The following KCNQ1 variants were observed in gnomAD, a reference collection of about 807,000 sequenced individuals.
KCNQ1 encodes the protein potassium voltage-gated channel subfamily KQT member 1.
A neutral mutation model predicts 72.4 loss-of-function variants in KCNQ1; 49 were observed. That is an observed-to-expected ratio of 0.68 (90% confidence interval 0.54 to 0.86). The LOEUF (loss-of-function observed/expected upper bound fraction) is 0.86. KCNQ1 is among the 40% of genes least tolerant of loss of function. The pLI is 0.00. For missense variants in KCNQ1, 790 were observed against 945.1 expected, an observed-to-expected ratio of 0.84 and a Z score of 2.15; for synonymous variants, 450 against 412.6, an observed-to-expected ratio of 1.09 and a Z score of -1.10.
intron 1 of KCNQ1, among the ~76,000 whole-genome samples, chr11:2,501,380 T>A (rs1221667108): frequency 3.9e-5 from 6 of 151,934 alleles, no homozygotes; most frequent in Non-Finnish European, 1.5e-5. Context: ...CAAAGGATAA[T>A]TAGTGGCTGC....
chr11:2,527,577 C>T, intron 1 of KCNQ1, among the ~76,000 whole-genome samples: 1 of 152,226 alleles, frequency 6.6e-6, no homozygotes, highest in East Asian at 1.9e-4. Context: ...CGCCCTGGGG[C>T]AGCCACCAGC....
intron 10 of KCNQ1, chr11:2,644,413 C>T (rs1298156473): frequency 2.5e-6 from 1 of 398,204 alleles, no homozygotes; most frequent in Non-Finnish European, 4.4e-6. Context: ...TATTCAATTC[C>T]AGAATATCTG....
Position 2,830,417 on chromosome 11 carries a change from G to A in KCNQ1, c.1795-17350G>A, listed in dbSNP as rs1337441363. The stretch of plus-strand genomic sequence containing the variant: ...CCAAGGCCCCGGGATCTAAGTCCCT[G>A]TTAAGTCCCCTGTTAAAGGACCTAG... On this transcript the variant is annotated intron_variant, in intron 15 of 15. Transcript: ENST00000155840. The surrounding 1 kb of genome is among the most constrained non-coding windows in gnomAD (Gnocchi z 7.7). 1.3e-5 allele frequency among the ~76,000 whole-genome samples: 2 copies of A among 152,120 alleles called. No homozygotes were observed. The highest frequency in any genetic ancestry group is 2.9e-5 in the Non-Finnish European group (2 of 67,996).
In KCNQ1 at chr11:2,767,555, T is replaced by C. The variant is rs192446791; in HGVS notation, c.1515-1289T>C. Among the ~76,000 whole-genome samples the C allele has an allele frequency of 7.6e-4, 116 of 152,346 alleles. No individual in the cohort carries two copies. Among genetic ancestry groups the C allele is most frequent in the Middle Eastern group, 3.4e-3 (1 of 294 alleles). ...ATAAAATTGTAGATGCTCGAGGGTA[T>C]TATCTCCCTACAGATAATTTTATTT... On this transcript the variant is annotated intron_variant, in intron 11 of 15. Coordinates refer to ENST00000155840, the MANE Select transcript of KCNQ1 (RefSeq NM_000218.3). This position sits in a 1 kb window ranked among gnomAD's most constrained non-coding sequence, Gnocchi z 4.6.
intron 10 of KCNQ1, chr11:2,655,955 C>A (rs959766678): frequency 1.0e-5 from 4 of 398,610 alleles, no homozygotes; most frequent in Non-Finnish European, 1.8e-5. Flanking sequence ...CTGGCAGGTG[C>A]AGGTCCCACC....
Position 2,684,582 on chromosome 11 carries a change from G to A in KCNQ1, c.1514+22501G>A, listed in dbSNP as rs1482504068. The A allele has an allele frequency of 8.8e-5, 35 of 398,526 alleles. No homozygotes were observed. In the East Asian group the frequency reaches 1.2e-3, roughly 14 times the overall value. The allele number at this position is 398,526 out of a possible 1,614,324, so 24.7% of individuals were successfully genotyped here. ...TCCCATAAATGACTTTCTGGCAGAG[G>A]AGAGTGACTGTCCTTTGTCTGTGGC... On this transcript the variant is annotated intron_variant, in intron 11 of 15. Transcript: ENST00000155840.
rs533726983 is a variant in KCNQ1, at chr11:2,685,796, C to A, written c.1514+23715C>A. 41 of 398,686 alleles carry A rather than the reference C, an allele frequency of 1.0e-4. No homozygotes were observed. The East Asian group carries it at 1.5e-3, about 14-fold the overall frequency. 24.7% of individuals were successfully genotyped at this position (398,686 alleles called of 1,614,324 possible). A position where few individuals can be genotyped will look rare whatever the true frequency, so the allele number is the denominator to read the frequency against. ...GTGAGAAAGGGCCCTGCACAGTCAG[C>A]GTTCCTGAGAATGCGATTCCTACTA... On this transcript the variant is annotated intron_variant, in intron 11 of 15. Coordinates refer to ENST00000155840, the MANE Select transcript of KCNQ1 (RefSeq NM_000218.3).
At position 2,848,861 on chromosome 11, in the gene KCNQ1, T is replaced by C; in HGVS notation, c.*858T>C. 1 of 454,122 alleles carries C rather than the reference T, an allele frequency of 2.2e-6. No individual in the cohort carries two copies. Among genetic ancestry groups the C allele is most frequent in the South Asian group, 1.6e-5 (1 of 64,472 alleles). The allele number at this position is 454,122 out of a possible 1,614,324, so 28.1% of individuals were successfully genotyped here. On this transcript the variant is annotated 3_prime_UTR_variant, in exon 16 of 16. Coordinates refer to ENST00000155840, the MANE Select transcript of KCNQ1 (RefSeq NM_000218.3). ...TGACGGTTCCTACACAGGACAGGGGTTCCTTCTGGGCATTACATCGCATAG... is the reference window on the plus strand; with the variant it reads ...TGACGGTTCCTACACAGGACAGGGGCTCCTTCTGGGCATTACATCGCATAG...
intron 15 of KCNQ1, among the ~76,000 whole-genome samples, chr11:2,829,893 A>T (rs1847906296): frequency 7.4e-6 from 1 of 134,806 alleles, no homozygotes; most frequent in South Asian, 2.8e-4. Flanking sequence ...TTAAGAAGGA[A>T]GTGATGGTGC....
chr11:2,537,684 A>T lies in KCNQ1; in HGVS notation c.477+9666A>T, dbSNP rs1313142173. Among the ~76,000 whole-genome samples the T allele has an allele frequency of 6.6e-6, 1 of 150,678 alleles. No homozygotes were observed. The highest frequency in any genetic ancestry group is 2.5e-5 in the African/African-American group (1 of 40,154). ...TTTCTCTCTATATGCAAAAACCTAT[A>T]TGGGTTTTGTGGGGTTTTTTGTTGT... On this transcript the variant is annotated intron_variant, in intron 2 of 15. Coordinates refer to ENST00000155840, the MANE Select transcript of KCNQ1 (RefSeq NM_000218.3). This position sits in a 1 kb window ranked among gnomAD's most constrained non-coding sequence, Gnocchi z 5.2.
At position 2,709,642 on chromosome 11, in the gene KCNQ1, T is replaced by C. The variant is rs145821250; in HGVS notation, c.1514+47561T>C. Reference sequence around the variant, plus strand: ...CTTTAGCCGTCACTCCCCACTTCCCTTCTCTCATTCCCCAGCCCCAGTCAG... The same window carrying C: ...CTTTAGCCGTCACTCCCCACTTCCCCTCTCTCATTCCCCAGCCCCAGTCAG... On this transcript the variant is annotated intron_variant, in intron 11 of 15. Transcript: ENST00000155840. Among the ~76,000 whole-genome samples the C allele has an allele frequency of 2.6e-3, 399 of 152,122 alleles. 3 individuals are homozygous for C. The highest frequency in any genetic ancestry group is 2.6e-3 in the Non-Finnish European group (179 of 67,992).
In KCNQ1 at chr11:2,481,012, A is replaced by G. The variant is rs943665480; in HGVS notation, c.386+35528A>G. Among the ~76,000 whole-genome samples the G allele has an allele frequency of 8.5e-5, 13 of 152,184 alleles. No individual in the cohort carries two copies. Among genetic ancestry groups the G allele is most frequent in the African/African-American group, 1.7e-4 (7 of 41,440 alleles). On this transcript the variant is annotated intron_variant, in intron 1 of 15. Transcript: ENST00000155840. This position sits in a 1 kb window ranked among gnomAD's most constrained non-coding sequence, Gnocchi z 4.6. Reference sequence around the variant, plus strand: ...CTTCTGCTATTCTTGCAACTTCTCTATAAGTTTGAAATGAAATCATATAAA... The same window carrying G: ...CTTCTGCTATTCTTGCAACTTCTCTGTAAGTTTGAAATGAAATCATATAAA...
intron 11 of KCNQ1, among the ~76,000 whole-genome samples, chr11:2,719,346 A>AAAG (rs1437307248): frequency 6.6e-6 from 1 of 151,464 alleles, no homozygotes; most frequent in Non-Finnish European, 1.5e-5. Flanking sequence ...AAAAAAAAAA[A>AAAG]AGAGCCATAC....
At position 2,661,645 on chromosome 11, in the gene KCNQ1, T is replaced by A. The variant is rs1042222285; in HGVS notation, c.1394-316T>A. On this transcript the variant is annotated intron_variant, in intron 10 of 15. Coordinates refer to ENST00000155840, the MANE Select transcript of KCNQ1 (RefSeq NM_000218.3). The surrounding 1 kb of genome is among the most constrained non-coding windows in gnomAD (Gnocchi z 5.9). ...TTTTATTCTTGACCCAAGTGTCAGTTGTGAACATGGGAAGAGGCCCAGAAC... is the reference window on the plus strand; with the variant it reads ...TTTTATTCTTGACCCAAGTGTCAGTAGTGAACATGGGAAGAGGCCCAGAAC... 5 of 594,820 alleles carry A rather than the reference T, an allele frequency of 8.4e-6. No homozygotes were observed. Among genetic ancestry groups the A allele is most frequent in the Admixed American group, 3.0e-5 (1 of 33,820 alleles). 36.8% of individuals were successfully genotyped at this position (594,820 alleles called of 1,614,324 possible).
chr11:2,706,814 C>T (rs1215596192), intron 11 of KCNQ1, among the ~76,000 whole-genome samples: 4 of 152,160 alleles, frequency 2.6e-5, no homozygotes, highest in South Asian at 2.1e-4. Flanking sequence ...CTAGGCTCCT[C>T]GTGAGAACCA....
At chr11:2,760,160 G>T (rs1234432744) in intron 11 of KCNQ1, among the ~76,000 whole-genome samples, 1 of 152,102 alleles carries the variant, frequency 6.6e-6, no homozygotes, top group Non-Finnish European at 1.5e-5. Flanking sequence ...AGCACTGGGG[G>T]CTCCTGGCTT....
intron 2 of KCNQ1, among the ~76,000 whole-genome samples, chr11:2,539,855 C>A (rs115252461): frequency 6.6e-6 from 1 of 152,164 alleles, no homozygotes; most frequent in Non-Finnish European, 1.5e-5. Context: ...GTGCCACGTT[C>A]GGTGGGGGTC....
rs1850415444 is a variant in KCNQ1, at chr11:2,682,482, G to A, written c.1514+20401G>A. On this transcript the variant is annotated intron_variant, in intron 11 of 15. Transcript: ENST00000155840. The surrounding 1 kb of genome is among the most constrained non-coding windows in gnomAD (Gnocchi z 5.8). ...CCCTCAGTGAATGTTTGACGAGTGA[G>A]TGAGTGAGTGAGTGAGTGAGTGAGT... is the stretch of plus-strand genomic sequence containing the variant. 1.3e-5 allele frequency: 5 copies of A among 397,934 alleles called. No homozygotes were observed. The highest frequency in any genetic ancestry group is 1.3e-3 in the Middle Eastern group (2 of 1,584). The allele number at this position is 397,934 out of a possible 1,614,324, so 24.7% of individuals were successfully genotyped here.
chr11:2,747,668 G>A (rs1331241100), intron 11 of KCNQ1, among the ~76,000 whole-genome samples: 1 of 152,220 alleles, frequency 6.6e-6, no homozygotes, highest in African/African-American at 2.4e-5. Flanking sequence ...CTTTGGGGGT[G>A]GACACGTCTG....
Sources: allele counts gnomAD v4.1 joint callset (sites outside exome capture counted in the v4.1 genomes callset), GRCh38; gene constraint gnomAD v4.1.1; non-coding constraint Gnocchi (gnomAD v3.1); transcripts MANE v1.5; gene names NCBI Gene and HGNC (gene_info 2026-07-23, HGNC 2026-07-21).